The following RBFOX1 variants were observed in gnomAD, a reference collection of about 807,000 sequenced individuals.
RBFOX1 encodes the protein RNA binding protein fox-1 homolog 1.
In RBFOX1, 8 loss-of-function variants were observed where a neutral mutation model predicts 57.7. The ratio of observed to expected loss-of-function variants is 0.14; its 90% CI spans 0.08 to 0.25. The LOEUF (loss-of-function observed/expected upper bound fraction) is 0.25. Ranked by LOEUF, RBFOX1 falls within the 10% of genes least tolerant of loss-of-function variation. RBFOX1 has a pLI of 1.00. For missense variants in RBFOX1, 611 were observed against 548.5 expected (o/e 1.11, Z -1.14); for synonymous variants, 326 against 222.4 (o/e 1.47, Z -4.15).
At chr16:7,465,817 G>T (rs568468607) in intron 4 of RBFOX1, among the ~76,000 whole-genome samples, 2 of 152,274 alleles carry the variant, frequency 1.3e-5, no homozygotes, top group South Asian at 4.1e-4. Flanking sequence ...GGTAATTCTT[G>T]TCTACACCGA....
At chr16:6,922,688 G>C (rs1213034189) in intron 3 of RBFOX1, among the ~76,000 whole-genome samples, 3 of 152,008 alleles carry the variant, frequency 2.0e-5, no homozygotes, top group African/African-American at 7.2e-5. Flanking sequence ...CCATGTTTTG[G>C]GCCTCACTGC....
chr16:7,477,644 G>C (rs1039995214), intron 4 of RBFOX1, among the ~76,000 whole-genome samples: 3 of 152,144 alleles, frequency 2.0e-5, no homozygotes, highest in Non-Finnish European at 4.4e-5. Context: ...TATTACGATG[G>C]TAGTAACTAC....
intron 2 of RBFOX1, among the ~76,000 whole-genome samples, chr16:6,346,376 A>G (rs1349509294): frequency 6.6e-6 from 1 of 152,182 alleles, no homozygotes; most frequent in Non-Finnish European, 1.5e-5. Flanking sequence ...TTAGTATGTG[A>G]ACTAAGTGAA....
intron 3 of RBFOX1, among the ~76,000 whole-genome samples, chr16:6,999,859 G>C (rs1441295574): frequency 1.3e-5 from 2 of 152,024 alleles, no homozygotes; most frequent in African/African-American, 2.4e-5. Context: ...ATCACTTGAG[G>C]TCAGGAGTTT....
At chr16:6,270,114 A>C (rs1446119243) in intron 1 of RBFOX1, among the ~76,000 whole-genome samples, 1 of 152,162 alleles carries the variant, frequency 6.6e-6, no homozygotes, top group Non-Finnish European at 1.5e-5. Context: ...GGCAAATTAA[A>C]ATTTAATTAT....
chr16:6,064,423 T>G (rs945961814), intron 1 of RBFOX1, among the ~76,000 whole-genome samples: 6 of 152,226 alleles, frequency 3.9e-5, no homozygotes, highest in Non-Finnish European at 7.3e-5. Flanking sequence ...AATAATTTCA[T>G]TAAATTTATC....
intron 1 of RBFOX1, among the ~76,000 whole-genome samples, chr16:6,265,253 T>TTTTG (rs574492910): frequency 4.6e-5 from 7 of 152,074 alleles, no homozygotes; most frequent in Non-Finnish European, 8.8e-5. Flanking sequence ...CATTTTGTTT[T>TTTTG]TTTGTTTGTT....
chr16:7,278,985 A>G (rs916179622), intron 4 of RBFOX1, among the ~76,000 whole-genome samples: 13 of 151,460 alleles, frequency 8.6e-5, no homozygotes, highest in African/African-American at 3.1e-4. Context: ...ATATTTGATT[A>G]TATTTCTCTT....
chr16:7,138,578 A>G (rs1039376402), intron 4 of RBFOX1, among the ~76,000 whole-genome samples: 1 of 152,110 alleles, frequency 6.6e-6, no homozygotes, highest in South Asian at 2.1e-4. Flanking sequence ...CCTCATCCCC[A>G]CTTTTCCTTC....
intron 3 of RBFOX1, among the ~76,000 whole-genome samples, chr16:6,835,170 G>C (rs534544732): frequency 6.6e-6 from 1 of 152,052 alleles, no homozygotes; most frequent in African/African-American, 2.4e-5. Flanking sequence ...CACAGTGTTG[G>C]GATCACAGGC....
intron 1 of RBFOX1, among the ~76,000 whole-genome samples, chr16:6,213,534 A>C (rs2097311959): frequency 6.6e-6 from 1 of 152,202 alleles, no homozygotes; most frequent in Non-Finnish European, 1.5e-5. Context: ...CAAGGCAGGT[A>C]CCGCCTTCTG....
intron 3 of RBFOX1, among the ~76,000 whole-genome samples, chr16:7,019,543 C>T (rs758336531): frequency 2.6e-5 from 4 of 152,126 alleles, no homozygotes; most frequent in Non-Finnish European, 5.9e-5. Flanking sequence ...CTTGTTTGTG[C>T]TGTGGATTTG....
At chr16:7,189,856 C>A (rs897481453) in intron 4 of RBFOX1, among the ~76,000 whole-genome samples, 4 of 152,180 alleles carry the variant, frequency 2.6e-5, no homozygotes, top group Admixed American at 2.6e-4. Flanking sequence ...ACATCTTGAT[C>A]GCCTTTATGT....
At chr16:6,645,720 C>T (rs1374853736) in intron 2 of RBFOX1, among the ~76,000 whole-genome samples, 1 of 152,152 alleles carries the variant, frequency 6.6e-6, no homozygotes, top group Non-Finnish European at 1.5e-5. Context: ...CCAGGTTTCA[C>T]AAAGCCTGTT....
At chr16:5,562,322 G>A (rs2045917277) in intron 2 of RBFOX1, among the ~76,000 whole-genome samples, 2 of 152,196 alleles carry the variant, frequency 1.3e-5, no homozygotes, top group African/African-American at 4.8e-5. Flanking sequence ...AGCTGCCCGA[G>A]AAAGCTGCCT....
chr16:5,789,421 G>C (rs1271247300), intron 3 of RBFOX1, among the ~76,000 whole-genome samples: 1 of 152,092 alleles, frequency 6.6e-6, no homozygotes, highest in Non-Finnish European at 1.5e-5. Flanking sequence ...GCATATTTGT[G>C]TATATTTATA....
Position 5,843,034 on chromosome 16 carries a change from G to A in RBFOX1, c.319-24269G>A, listed in dbSNP as rs377224325. On this transcript the variant is annotated intron_variant, in intron 3 of 19. Transcript: ENST00000641259. ...AGTAGAGACGGGGTTTCACCATGTT[G>A]GCCAGGCTGGTCTCGAACTCCTGAC... Among the ~76,000 whole-genome samples, 22 of 151,874 alleles carry A rather than the reference G, an allele frequency of 1.4e-4. 1 individual carries two copies. Among genetic ancestry groups the A allele is most frequent in the South Asian group, 8.4e-4 (4 of 4,784 alleles).
At chr16:5,453,494 C>A (rs2068491347) in intron 1 of RBFOX1, among the ~76,000 whole-genome samples, 1 of 152,168 alleles carries the variant, frequency 6.6e-6, no homozygotes, top group Non-Finnish European at 1.5e-5. Context: ...AGGCACCCCT[C>A]TTCATCAACA....
chr16:7,164,945 A>G (rs940001119), intron 4 of RBFOX1, among the ~76,000 whole-genome samples: 7 of 152,212 alleles, frequency 4.6e-5, no homozygotes, highest in African/African-American at 1.7e-4. Flanking sequence ...GGAATAGGAT[A>G]TGGAGTTGGC....
Sources: allele counts gnomAD v4.1 joint callset (sites outside exome capture counted in the v4.1 genomes callset), GRCh38; gene constraint gnomAD v4.1.1; transcripts MANE v1.5; gene names NCBI Gene and HGNC (gene_info 2026-07-23, HGNC 2026-07-21).